Variants in RBFOX2 observed in about 807,000 individuals in gnomAD.
RBFOX2 encodes RNA binding protein fox-1 homolog 2.
RBFOX2 carries 10 observed loss-of-function variants against 49.1 expected under a neutral mutation model. The ratio of observed to expected loss-of-function variants is 0.20; its 90% CI spans 0.13 to 0.35. The LOEUF (loss-of-function observed/expected upper bound fraction) is 0.35. Among genes scored for constraint, RBFOX2 ranks in the 10% least tolerant of loss-of-function variants. The pLI, the probability that RBFOX2 is intolerant of heterozygous loss-of-function variation, is 1.00. For missense variants in RBFOX2, 323 were observed against 486.9 expected (o/e 0.66, Z 3.17); for synonymous variants, 183 against 187.4 (o/e 0.98, Z 0.19).
intron 1 of RBFOX2, among the ~76,000 whole-genome samples, chr22:36,009,502 T>C (rs1040571061): frequency 4.4e-4 from 67 of 152,034 alleles, no homozygotes; most frequent in Admixed American, 3.2e-3. Context: ...GCCTACCGAG[T>C]AGCTGGGACT....
intron 1 of RBFOX2, among the ~76,000 whole-genome samples, chr22:35,818,778 C>A (rs1224995864): frequency 1.3e-5 from 2 of 152,072 alleles, no homozygotes; most frequent in African/African-American, 4.8e-5. Flanking sequence ...CAGAGAGAGA[C>A]CATGTCTCTA....
In RBFOX2 at chr22:35,797,171, T is replaced by A. The variant is rs1236422994; in HGVS notation, c.252+12609A>T. ...TCAAACATAATTTAGAGCTACCTTC[T>A]TTTAAATCAAAATATCAGTCCTTAA... is the stretch of plus-strand genomic sequence containing the variant. On this transcript the variant is annotated intron_variant, in intron 2 of 11. Transcript: ENST00000405409. Among the ~76,000 whole-genome samples, 3 of 152,290 alleles carry A rather than the reference T, an allele frequency of 2.0e-5. No individual in the cohort carries two copies. The East Asian group carries it at 5.8e-4, about 29-fold the overall frequency.
chr22:35,837,943 C>A (rs1957983629), intron 1 of RBFOX2, among the ~76,000 whole-genome samples: 1 of 152,146 alleles, frequency 6.6e-6, no homozygotes, highest in South Asian at 2.1e-4. Context: ...TTAATGGTCA[C>A]ACACACTACA....
chr22:35,906,362 A>G (rs923614217), intron 1 of RBFOX2, among the ~76,000 whole-genome samples: 1 of 152,214 alleles, frequency 6.6e-6, no homozygotes, highest in Non-Finnish European at 1.5e-5. Context: ...TTTATTCAAA[A>G]TACAATAATC....
intron 1 of RBFOX2, among the ~76,000 whole-genome samples, chr22:35,913,832 T>C (rs530734962): frequency 1.5e-4 from 23 of 152,040 alleles, no homozygotes; most frequent in African/African-American, 5.3e-4. Context: ...AAAGAAAATA[T>C]CTGCCTGTCT....
intron 1 of RBFOX2, chr22:35,997,515 A>C (rs559330236): frequency 1.3e-4 from 20 of 152,306 alleles, no homozygotes; most frequent in African/African-American, 4.8e-4. Flanking sequence ...ATATTTTTAA[A>C]TACTGTATTT....
At chr22:35,869,839 G>A (rs1569429188) in intron 1 of RBFOX2, among the ~76,000 whole-genome samples, 1 of 152,162 alleles carries the variant, frequency 6.6e-6, no homozygotes, top group Non-Finnish European at 1.5e-5. Context: ...CTCTAAACCT[G>A]TGTTTTTAAC....
At chr22:35,907,640 C>T (rs181142172) in intron 1 of RBFOX2, among the ~76,000 whole-genome samples, 233 of 152,112 alleles carry the variant, frequency 1.5e-3, no homozygotes, top group Non-Finnish European at 2.6e-3. Context: ...CTTTAACTTA[C>T]AAATCAAAAC....
chr22:35,895,591 C>A (rs887932011), intron 1 of RBFOX2, among the ~76,000 whole-genome samples: 1 of 152,148 alleles, frequency 6.6e-6, no homozygotes, highest in African/African-American at 2.4e-5. Context: ...TTTTTTATTA[C>A]TACTGCCCTA....
At chr22:35,899,626 T>A (rs1019733556) in intron 1 of RBFOX2, among the ~76,000 whole-genome samples, 1 of 149,292 alleles carries the variant, frequency 6.7e-6, no homozygotes, top group Admixed American at 6.7e-5. Flanking sequence ...AAGAAAAAAA[T>A]TTATTTCCAA....
chr22:35,973,406 T>A (rs1172372415), intron 1 of RBFOX2, among the ~76,000 whole-genome samples: 2 of 152,116 alleles, frequency 1.3e-5, no homozygotes, highest in Admixed American at 1.3e-4. Context: ...ATAAACCATC[T>A]CCCAAGCCAC....
chr22:35,865,157 G>A (rs2043525680), intron 1 of RBFOX2, among the ~76,000 whole-genome samples: 1 of 152,160 alleles, frequency 6.6e-6, no homozygotes, highest in African/African-American at 2.4e-5. Context: ...ATGGATGGAT[G>A]TATATCTCGG....
intron 1 of RBFOX2, among the ~76,000 whole-genome samples, chr22:35,882,909 C>T (rs1218079237): frequency 6.6e-6 from 1 of 152,170 alleles, no homozygotes; most frequent in East Asian, 1.9e-4. Context: ...CTCACTTGCC[C>T]TCTGGGTTTC....
chr22:35,740,304 G>A (rs1929226396), exon 12 of RBFOX2: 2 of 152,564 alleles, frequency 1.3e-5, no homozygotes, highest in African/African-American at 4.8e-5. Flanking sequence ...AGGGAGGGAA[G>A]AGGCTTTTGG....
At chr22:36,007,816 A>G (rs1260735112) in intron 1 of RBFOX2, among the ~76,000 whole-genome samples, 1 of 152,172 alleles carries the variant, frequency 6.6e-6, no homozygotes, top group African/African-American at 2.4e-5. Flanking sequence ...GATATATTTA[A>G]AGAGTGTTCT....
chr22:35,992,646 C>A (rs1209027057), intron 1 of RBFOX2: 1 of 152,160 alleles, frequency 6.6e-6, no homozygotes, highest in Non-Finnish European at 1.5e-5. Flanking sequence ...AAAAAAGCTC[C>A]ATTTTGACCC....
intron 1 of RBFOX2, among the ~76,000 whole-genome samples, chr22:35,828,656 A>G (rs1441683624): frequency 6.6e-6 from 1 of 152,214 alleles, no homozygotes; most frequent in African/African-American, 2.4e-5. Context: ...TAATGATGTA[A>G]GGAGCATCCA....
chr22:35,824,749 T>C (rs567174517), intron 1 of RBFOX2, among the ~76,000 whole-genome samples: 2 of 152,364 alleles, frequency 1.3e-5, no homozygotes, highest in African/African-American at 2.4e-5. Flanking sequence ...AAAATGTTTG[T>C]AGTTTTCACT....
upstream of RBFOX2, among the ~76,000 whole-genome samples, chr22:35,940,585 G>T (rs891510347): frequency 1.3e-5 from 2 of 152,050 alleles, no homozygotes; most frequent in Non-Finnish European, 2.9e-5. Flanking sequence ...CCACACCTGG[G>T]TATGTAACTA....
Sources: allele counts gnomAD v4.1 joint callset (sites outside exome capture counted in the v4.1 genomes callset), GRCh38; gene constraint gnomAD v4.1.1; transcripts MANE v1.5; gene names NCBI Gene and HGNC (gene_info 2026-07-23, HGNC 2026-07-21).